The following THSD4 variants were observed in gnomAD, a reference collection of about 807,000 sequenced individuals.
THSD4 encodes the protein thrombospondin type 1 domain containing 4.
Under a neutral mutation model 119.0 loss-of-function variants are expected in THSD4, and 69 were observed. That is an observed-to-expected ratio of 0.58 (90% confidence interval 0.48 to 0.71). The LOEUF (loss-of-function observed/expected upper bound fraction) is 0.71. Among genes scored for constraint, THSD4 ranks in the 30% least tolerant of loss-of-function variants. The probability of loss-of-function intolerance (pLI) is 0.00; values close to 1 mark genes in which losing one functional copy is unlikely to be tolerated. For synonymous variants in THSD4, 524 were observed against 540.4 expected (o/e 0.97, Z 0.42); for missense variants, 1,393 against 1,391.1 (o/e 1.00, Z -0.02).
chr15:71,631,489 G>T (rs2050627976), intron 7 of THSD4, among the ~76,000 whole-genome samples: 1 of 152,202 alleles, frequency 6.6e-6, no homozygotes, highest in Non-Finnish European at 1.5e-5. Flanking sequence ...CTCTTAAAAT[G>T]AAGAAGGCCT....
At chr15:71,170,586 C>A (rs2043349002) in intron 3 of THSD4, among the ~76,000 whole-genome samples, 1 of 152,126 alleles carries the variant, frequency 6.6e-6, no homozygotes, top group Non-Finnish European at 1.5e-5. Flanking sequence ...TGTATCCTAG[C>A]ATAAAGTATG....
At chr15:71,463,822 C>G (rs1395003643) in intron 7 of THSD4, among the ~76,000 whole-genome samples, 1 of 152,234 alleles carries the variant, frequency 6.6e-6, no homozygotes, top group Non-Finnish European at 1.5e-5. Context: ...TCACCTTCAT[C>G]TTTTAGCCTC....
intron 4 of THSD4, among the ~76,000 whole-genome samples, chr15:71,229,169 TTAG>T (rs1455775159): frequency 6.6e-6 from 1 of 152,240 alleles, no homozygotes; most frequent in African/African-American, 2.4e-5. Flanking sequence ...TCACACAGAC[TTAG>T]TAGCTTGGAC....
chr15:71,202,181 T>G (rs2043809339), intron 3 of THSD4, among the ~76,000 whole-genome samples: 1 of 152,164 alleles, frequency 6.6e-6, no homozygotes, highest in African/African-American at 2.4e-5. Flanking sequence ...GGAAGGGGAC[T>G]TTGCACATCC....
intron 6 of THSD4, among the ~76,000 whole-genome samples, chr15:71,374,659 C>T (rs1365312953): frequency 2.6e-5 from 4 of 152,190 alleles, no homozygotes; most frequent in African/African-American, 7.2e-5. Flanking sequence ...TGAGCAATGG[C>T]CCTGACCTTC....
chr15:71,689,383 G>A (rs1378558462), intron 8 of THSD4, among the ~76,000 whole-genome samples: 2 of 152,164 alleles, frequency 1.3e-5, no homozygotes, highest in East Asian at 1.9e-4. Context: ...GAGCAGCTCT[G>A]ATCTTGAGCA....
chr15:71,573,587 T>G (rs569189384), intron 7 of THSD4, among the ~76,000 whole-genome samples: 7 of 152,342 alleles, frequency 4.6e-5, no homozygotes, highest in African/African-American at 1.7e-4. Context: ...TGAAATAAGT[T>G]AAACACCATA....
intron 7 of THSD4, among the ~76,000 whole-genome samples, chr15:71,449,812 G>T (rs1220842492): frequency 6.6e-6 from 1 of 152,104 alleles, no homozygotes; most frequent in African/African-American, 2.4e-5. Context: ...CAATATGCAG[G>T]CCCAACTACT....
At chr15:71,313,515 A>G (rs902555878) in intron 6 of THSD4, among the ~76,000 whole-genome samples, 5 of 152,300 alleles carry the variant, frequency 3.3e-5, no homozygotes, top group Middle Eastern at 3.4e-3. Flanking sequence ...GAGCATTAGG[A>G]CACACAGCTA....
chr15:71,207,670 G>C (rs2043855724), intron 3 of THSD4, among the ~76,000 whole-genome samples: 1 of 152,200 alleles, frequency 6.6e-6, no homozygotes, highest in Non-Finnish European at 1.5e-5. Flanking sequence ...CTGTCAGATG[G>C]GCAGCGGCAT....
chr15:71,740,333 C>T (rs746416692), intron 11 of THSD4, among the ~76,000 whole-genome samples: 31 of 152,120 alleles, frequency 2.0e-4, no homozygotes, highest in Non-Finnish European at 3.8e-4. Flanking sequence ...TATAGGAACC[C>T]GAAATCAAAA....
intron 11 of THSD4, among the ~76,000 whole-genome samples, chr15:71,743,658 G>T (rs1468128747): frequency 6.6e-6 from 1 of 152,110 alleles, no homozygotes; most frequent in Admixed American, 6.6e-5. Context: ...TTAAATAATG[G>T]TCTCAAGTTA....
At chr15:71,118,075 A>G (rs1334216986) in intron 1 of THSD4, among the ~76,000 whole-genome samples, 1 of 152,102 alleles carries the variant, frequency 6.6e-6, no homozygotes, top group Non-Finnish European at 1.5e-5. Context: ...TTGAAGCCTA[A>G]GGAGGAGTTC....
chr15:71,302,259 G>A (rs190039547), intron 6 of THSD4, among the ~76,000 whole-genome samples: 6 of 152,248 alleles, frequency 3.9e-5, no homozygotes, highest in Non-Finnish European at 7.4e-5. Flanking sequence ...CAGAGGTGGC[G>A]GAAGGGTAGG....
At chr15:71,372,895 C>G (rs948004127) in intron 6 of THSD4, among the ~76,000 whole-genome samples, 10 of 152,248 alleles carry the variant, frequency 6.6e-5, no homozygotes, top group Admixed American at 1.3e-4. Flanking sequence ...CAGAGGCAGG[C>G]AGGCCTCCTT....
chr15:71,513,237 T>C (rs952011476), intron 7 of THSD4, among the ~76,000 whole-genome samples: 3 of 152,240 alleles, frequency 2.0e-5, no homozygotes, highest in Non-Finnish European at 4.4e-5. Context: ...TCAGTTTTAC[T>C]GTTCCTTGTA....
At chr15:71,682,937 T>TTC (rs2051825533) in intron 8 of THSD4, among the ~76,000 whole-genome samples, 1 of 138,660 alleles carries the variant, frequency 7.2e-6, no homozygotes, top group African/African-American at 2.8e-5. Flanking sequence ...TTTTTTTTTT[T>TTC]TTGAGTCGAG....
chr15:71,628,032 G>T (rs1196862450), intron 7 of THSD4, among the ~76,000 whole-genome samples: 1 of 152,182 alleles, frequency 6.6e-6, no homozygotes, highest in Non-Finnish European at 1.5e-5. Context: ...GGGTGCCCCA[G>T]AGTCATGGGC....
intron 3 of THSD4, among the ~76,000 whole-genome samples, chr15:71,193,827 C>T (rs2043695449): frequency 6.6e-6 from 1 of 152,220 alleles, no homozygotes; most frequent in South Asian, 2.1e-4. Context: ...CCTGCCTCAG[C>T]CTCCCTAGTC....
Sources: allele counts gnomAD v4.1 joint callset (sites outside exome capture counted in the v4.1 genomes callset), GRCh38; gene constraint gnomAD v4.1.1; transcripts MANE v1.5; gene names NCBI Gene and HGNC (gene_info 2026-07-23, HGNC 2026-07-21).